HK1: variants seen among roughly 807,000 people sequenced by gnomAD.
The protein encoded by HK1 is hexokinase-1.
HK1 carries 28 observed loss-of-function variants against 91.6 expected under a neutral mutation model. The observed-to-expected ratio is 0.31, with a 90% confidence interval of 0.23 to 0.42. The LOEUF is 0.42. Ranked by LOEUF, HK1 falls within the 10% of genes least tolerant of loss-of-function variation. HK1 has a pLI of 1.00. For synonymous variants in HK1, 430 were observed against 468.1 expected (o/e 0.92, Z 1.05); for missense variants, 770 against 1,219.8 (o/e 0.63, Z 5.49).
chr10:69,330,572 A>T (rs1847659125), intron 1 of HK1, among the ~76,000 whole-genome samples: 1 of 152,146 alleles, frequency 6.6e-6, no homozygotes, highest in African/African-American at 2.4e-5. Context: ...AGGACATACT[A>T]TCCCCAAATA....
intron 1 of HK1, among the ~76,000 whole-genome samples, chr10:69,341,561 C>T (rs1848292822): frequency 2.0e-5 from 3 of 151,810 alleles, no homozygotes; most frequent in South Asian, 2.1e-4. Flanking sequence ...ACCTCTTGGG[C>T]CCAAGTGATC....
intron 3 of HK1, among the ~76,000 whole-genome samples, chr10:69,293,855 C>CTTTTTTTTT (rs34434447): frequency 1.0e-5 from 1 of 98,984 alleles, no homozygotes; most frequent in Non-Finnish European, 1.9e-5. Context: ...ATATTTCTTT[C>CTTTTTTTTT]TTTTTTTTTT....
intron 13 of HK1, among the ~76,000 whole-genome samples, chr10:69,388,553 C>T (rs1440966849): frequency 6.6e-6 from 1 of 152,072 alleles, no homozygotes; most frequent in Non-Finnish European, 1.5e-5. Context: ...CACACACACA[C>T]TCACTTAAAA....
chr10:69,288,578 A>T lies in HK1; in HGVS notation c.-214-93A>T, dbSNP rs1845136550. ...GTGTCTGCACTATGTCTTGGTTCTCAGTATTAGGGTGTTTAGCTTCCTAAT... is the reference window on the plus strand; with the variant it reads ...GTGTCTGCACTATGTCTTGGTTCTCTGTATTAGGGTGTTTAGCTTCCTAAT... On this transcript the variant is annotated intron_variant, in intron 2 of 21. Coordinates refer to the HK1 transcript ENST00000360289. 5.4e-6 allele frequency: 4 copies of T among 740,386 alleles called. No homozygotes were observed. The East Asian group carries it at 9.9e-5, about 18-fold the overall frequency. 45.9% of individuals were successfully genotyped at this position (740,386 alleles called of 1,614,324 possible).
intron 4 of HK1, among the ~76,000 whole-genome samples, chr10:69,366,082 C>T (rs762269311): frequency 2.0e-5 from 3 of 152,094 alleles, no homozygotes; most frequent in African/African-American, 7.2e-5. Flanking sequence ...CCGCCTGCCT[C>T]GGCCCCTCAA....
intron 4 of HK1, among the ~76,000 whole-genome samples, chr10:69,367,722 A>AC (rs1849779909): frequency 6.6e-6 from 1 of 151,954 alleles, no homozygotes; most frequent in Non-Finnish European, 1.5e-5. Flanking sequence ...CGGGGCCTGG[A>AC]CCGTGAATCT....
At position 69,298,972 on chromosome 10, in the gene HK1, C is replaced by G. The variant is rs1264383852; in HGVS notation, c.-66-1797C>G. ...TTTATTTTTTGGAAACAGAGTCTCACTCTGTTGCCCAGGCTGGAGTGCAGT... is the reference window on the plus strand; with the variant it reads ...TTTATTTTTTGGAAACAGAGTCTCAGTCTGTTGCCCAGGCTGGAGTGCAGT... On this transcript the variant is annotated intron_variant, in intron 4 of 21. Transcript: ENST00000360289. 2.0e-5 allele frequency among the ~76,000 whole-genome samples: 3 copies of G among 151,828 alleles called. No individual in the cohort carries two copies. The East Asian group carries it at 5.8e-4, about 29-fold the overall frequency.
intron 2 of HK1, among the ~76,000 whole-genome samples, chr10:69,352,337 G>A (rs894202206): frequency 2.0e-5 from 3 of 152,122 alleles, no homozygotes; most frequent in Non-Finnish European, 4.4e-5. Context: ...TACTGTTGGA[G>A]TTAGGACTCC....
intron 7 of HK1, among the ~76,000 whole-genome samples, chr10:69,375,130 G>A (rs1564551938): frequency 6.6e-6 from 1 of 152,204 alleles, no homozygotes; most frequent in Non-Finnish European, 1.5e-5. Flanking sequence ...CCGTGAAATG[G>A]GGATAATGCT....
chr10:69,363,004 C>A (rs1849515825), intron 3 of HK1, among the ~76,000 whole-genome samples: 1 of 152,174 alleles, frequency 6.6e-6, no homozygotes, highest in East Asian at 1.9e-4. Flanking sequence ...TGGGGGGGAT[C>A]TGGGGAAAGA....
rs34616021 is a variant in HK1, at chr10:69,400,994, C to T, written c.2613C>T (p.Phe871=). ...DGTLYKLHPH[F]SRIMHQTVKE... is the part of the protein sequence containing the mutation. ...TCTGTTTTCTCGTCCTTTTTAGCTT[C>T]TCCAGAATCATGCACCAGACGGTGA... The change falls in exon 18 of 18, where the codon TTC becomes TTT. Residue 871 remains phenylalanine, a synonymous_variant. Transcript: ENST00000359426. 2.6e-3 allele frequency: 4,156 copies of T among 1,614,242 alleles called. 90 individuals are homozygous for T. The African/African-American group carries it at 0.05, about 19-fold the overall frequency.
intron 7 of HK1, among the ~76,000 whole-genome samples, chr10:69,372,930 G>T (rs527814348): frequency 6.8e-4 from 104 of 152,098 alleles, no homozygotes; most frequent in African/African-American, 2.5e-3. Flanking sequence ...GTGCAATGGC[G>T]CAATCTCAGC....
intron 16 of HK1, 128 bp downstream of exon 16, chr10:69,395,233 A>T: frequency 1.3e-6 from 1 of 781,314 alleles, no homozygotes; most frequent in Non-Finnish European, 2.2e-6. Context: ...TTTCCTCTGG[A>T]ATAGCAGACC....
chr10:69,305,266 A>T (rs1427625973), intron 5 of HK1, among the ~76,000 whole-genome samples: 1 of 152,094 alleles, frequency 6.6e-6, no homozygotes, highest in Non-Finnish European at 1.5e-5. Context: ...TCTCACTTTC[A>T]TCTCTGGCCA....
At chr10:69,395,446 C>T (rs1840090616) in intron 16 of HK1, among the ~76,000 whole-genome samples, 1 of 152,096 alleles carries the variant, frequency 6.6e-6, no homozygotes, top group Non-Finnish European at 1.5e-5. Context: ...GGTGTGGTGG[C>T]ATATGCCTGT....
At chr10:69,300,972 C>T (rs1235004933) in intron 5 of HK1, 60 of 635,224 alleles carry the variant, frequency 9.4e-5, no homozygotes, top group South Asian at 3.3e-4. Flanking sequence ...TAGCCAGGCA[C>T]GGTGGCTCAC....
chr10:69,298,174 G>T (rs1393170354), intron 4 of HK1, among the ~76,000 whole-genome samples: 1 of 151,482 alleles, frequency 6.6e-6, no homozygotes, highest in Non-Finnish European at 1.5e-5. Context: ...TCATGCCATT[G>T]CACTCCAGCC....
chr10:69,396,610 C>T (rs113209894), intron 16 of HK1, among the ~76,000 whole-genome samples: 2,118 of 150,830 alleles, frequency 0.014, 51 homozygotes, highest in African/African-American at 0.049. Flanking sequence ...TCCTTTGTGA[C>T]TGGCTTAATT....
At chr10:69,294,152 C>T (rs1025914930) in intron 3 of HK1, among the ~76,000 whole-genome samples, 5 of 152,146 alleles carry the variant, frequency 3.3e-5, no homozygotes, top group Non-Finnish European at 7.3e-5. Flanking sequence ...TGAGCCACCG[C>T]GCCCGGCCCT....
Sources: gnomAD v4.1 joint callset for allele counts (sites outside exome capture counted in the v4.1 genomes callset) on GRCh38, gnomAD v4.1.1 for gene constraint, MANE v1.5 for transcripts, NCBI Gene and HGNC (gene_info 2026-07-23, HGNC 2026-07-21) for gene names.